Variants in KLHL13 observed in about 807,000 individuals in gnomAD.
KLHL13 encodes kelch like family member 13.
A neutral mutation model predicts 37.1 loss-of-function variants in KLHL13; 10 were observed. The ratio of observed to expected loss-of-function variants is 0.27; its 90% CI spans 0.17 to 0.46. The LOEUF (loss-of-function observed/expected upper bound fraction) is 0.46, where lower values mean the gene tolerates loss of function less well. KLHL13 is among the 20% of genes least tolerant of loss of function. The pLI, the probability that KLHL13 is intolerant of heterozygous loss-of-function variation, is 1.00. For missense variants in KLHL13, 360 were observed against 509.3 expected, an observed-to-expected ratio of 0.71 and a Z score of 2.82; for synonymous variants, 163 against 181.2, an observed-to-expected ratio of 0.90 and a Z score of 0.81.
At chrX:118,054,412 T>C (rs960783722) in intron 1 of KLHL13, among the ~76,000 whole-genome samples, 8 of 111,368 alleles carry the variant, frequency 7.2e-5, no homozygotes, top group Non-Finnish European at 1.3e-4. Flanking sequence ...TTTTATAACA[T>C]GATATTCTTC....
chrX:118,023,293 T>C (rs917272568), intron 1 of KLHL13, among the ~76,000 whole-genome samples: 2 of 111,641 alleles, frequency 1.8e-5, no homozygotes, highest in South Asian at 7.5e-4. Context: ...TTAAGTGTGA[T>C]GCTGAATTGT....
chrX:118,107,645 C>A (rs1417346378), intron 1 of KLHL13, among the ~76,000 whole-genome samples: 1 of 111,927 alleles, frequency 8.9e-6, no homozygotes, highest in Non-Finnish European at 1.9e-5. Context: ...GGGAGATAAA[C>A]AAGGCTCAGA....
At chrX:118,112,750 T>C (rs1158398615) in intron 1 of KLHL13, among the ~76,000 whole-genome samples, 1 of 111,924 alleles carries the variant, frequency 8.9e-6, no homozygotes, top group African/African-American at 3.2e-5. Flanking sequence ...ATCATCTGCA[T>C]TCCTATTTGG....
At chrX:117,997,780 T>C (rs757312709) in intron 1 of KLHL13, among the ~76,000 whole-genome samples, 104 of 111,761 alleles carry the variant, frequency 9.3e-4, no homozygotes, top group African/African-American at 3.2e-3. Flanking sequence ...GCACATTCAG[T>C]CTTGTCTAAT....
intron 2 of KLHL13, among the ~76,000 whole-genome samples, chrX:117,943,382 G>A (rs1484142483): frequency 9.0e-6 from 1 of 110,878 alleles, no homozygotes; most frequent in African/African-American, 3.3e-5. Context: ...TCTCTTGCTA[G>A]GTTGGGGAAG....
Position 118,028,568 on chromosome X carries a change from T to C in KLHL13, c.-55-82993A>G, listed in dbSNP as rs997653996. 27 of 498,639 alleles carry C rather than the reference T, an allele frequency of 5.4e-5. No individual in the cohort carries two copies. The Middle Eastern group carries it at 1.1e-3, about 20-fold the overall frequency. 41.1% of individuals were successfully genotyped at this position (498,639 alleles called of 1,213,427 possible). A position where few individuals can be genotyped will look rare whatever the true frequency, so the allele number is the denominator to read the frequency against. Reference sequence around the variant, plus strand: ...CTGGAATTTTCAACTTCTGTTTTTATAATATTTTTATACTTTTCATGGTTG... The same window carrying C: ...CTGGAATTTTCAACTTCTGTTTTTACAATATTTTTATACTTTTCATGGTTG... On this transcript the variant is annotated intron_variant, in intron 1 of 6. Transcript: ENST00000371882.
At chrX:117,967,042 A>C (rs2053445987) in intron 1 of KLHL13, among the ~76,000 whole-genome samples, 1 of 111,905 alleles carries the variant, frequency 8.9e-6, no homozygotes, top group South Asian at 3.7e-4. Flanking sequence ...ATGGCAACAA[A>C]AGACAAAATT....
intron 1 of KLHL13, among the ~76,000 whole-genome samples, chrX:118,089,620 G>GAAAGAAAGAAAGAAAGAA (rs773944967): frequency 4.2e-5 from 3 of 71,918 alleles, no homozygotes; most frequent in African/African-American, 5.8e-5. Flanking sequence ...GAGAAAGAAA[G>GAAAGAAAGAAAGAAAGAA]AGAAAGAAAG....
At chrX:118,030,847 A>C (rs2148030767) in intron 1 of KLHL13, among the ~76,000 whole-genome samples, 1 of 111,954 alleles carries the variant, frequency 8.9e-6, no homozygotes. Flanking sequence ...TGTGAGAAAT[A>C]AATTTCTGCT....
intron 1 of KLHL13, among the ~76,000 whole-genome samples, chrX:118,013,084 T>C (rs1453114863): frequency 8.9e-6 from 1 of 112,247 alleles, no homozygotes; most frequent in Non-Finnish European, 1.9e-5. Context: ...AAGAAATGGT[T>C]GTAGGTGCTG....
chrX:117,963,730 T>C (rs1215308634), intron 1 of KLHL13, among the ~76,000 whole-genome samples: 1 of 97,553 alleles, frequency 1.0e-5, no homozygotes, highest in Non-Finnish European at 2.1e-5. Context: ...CCAGCACCTG[T>C]TGTTTCCTGA....
chrX:118,012,624 T>C (rs188315967), intron 1 of KLHL13, among the ~76,000 whole-genome samples: 124 of 92,623 alleles, frequency 1.3e-3, no homozygotes, highest in Non-Finnish European at 2.4e-3. Context: ...CACTTTGCCA[T>C]GAACAGTGTC....
chrX:117,920,455 T>A, intron 2 of KLHL13, 85 bp from the exon 4 acceptor site: 1 of 961,127 alleles, frequency 1.0e-6, no homozygotes, highest in Non-Finnish European at 1.4e-6. Context: ...TGAATATTAA[T>A]GTGGTGCAAC....
At chrX:118,114,613 G>A (rs2055448065) in intron 1 of KLHL13, among the ~76,000 whole-genome samples, 1 of 111,963 alleles carries the variant, frequency 8.9e-6, no homozygotes. Flanking sequence ...GACTTAGAAA[G>A]TGGGCCTATT....
chrX:117,923,888 T>A (rs918344718), intron 2 of KLHL13, among the ~76,000 whole-genome samples: 1 of 111,870 alleles, frequency 8.9e-6, no homozygotes, highest in African/African-American at 3.2e-5. Context: ...TTTCTCAGTA[T>A]AATCTGGTGT....
rs1426717934 is a variant in KLHL13 at position 118,099,971 on chromosome X, C to CA, written c.-56+16536dup. ...GGAAAGGAAGACACCCTTGACTATACAAATGAGCTATACTATTTATATAAC... is the reference window on the plus strand; with the variant it reads ...GGAAAGGAAGACACCCTTGACTATACAAAATGAGCTATACTATTTATATAAC... On this transcript the variant is annotated intron_variant, in intron 1 of 6. Coordinates refer to the KLHL13 transcript ENST00000371882. Among the ~76,000 whole-genome samples, 3 of 108,279 alleles carry CA rather than the reference C, an allele frequency of 2.8e-5. No individual in the cohort carries two copies. The Admixed American group carries it at 2.9e-4, about 10-fold the overall frequency. 94.0% of individuals were successfully genotyped at this position (108,279 alleles called of 115,157 possible).
At chrX:118,029,028 A>C (rs1299480631) in intron 1 of KLHL13, among the ~76,000 whole-genome samples, 1 of 111,598 alleles carries the variant, frequency 9.0e-6, no homozygotes, top group Non-Finnish European at 1.9e-5. Flanking sequence ...TTATCAAAAA[A>C]ACATAGTATA....
chrX:118,035,618 A>G (rs1310771158), intron 1 of KLHL13, among the ~76,000 whole-genome samples: 1 of 110,198 alleles, frequency 9.1e-6, no homozygotes, highest in Admixed American at 9.6e-5. Context: ...TATCTATGAC[A>G]AACCCACAGC....
intron 4 of KLHL13, among the ~76,000 whole-genome samples, chrX:117,913,792 A>C (rs1461791694): frequency 1.8e-5 from 2 of 108,424 alleles, no homozygotes; most frequent in African/African-American, 6.7e-5. Context: ...GCTGTGAGCC[A>C]AGACCGCACC....
Sources: gnomAD v4.1 joint callset for allele counts (sites outside exome capture counted in the v4.1 genomes callset) on GRCh38, gnomAD v4.1.1 for gene constraint, MANE v1.5 for transcripts, NCBI Gene and HGNC (gene_info 2026-07-23, HGNC 2026-07-21) for gene names.